FBXL7: variants seen among roughly 807,000 people sequenced by gnomAD.
The protein encoded by FBXL7 is F-box and leucine rich repeat protein 7.
A neutral mutation model predicts 38.3 loss-of-function variants in FBXL7; 12 were observed. The ratio of observed to expected loss-of-function variants is 0.31; its 90% CI spans 0.20 to 0.51. The LOEUF (loss-of-function observed/expected upper bound fraction) is 0.51. Among genes scored for constraint, FBXL7 ranks in the 20% least tolerant of loss-of-function variants. FBXL7 has a pLI of 0.98. For missense variants in FBXL7, 567 were observed against 676.4 expected (o/e 0.84, Z 1.79); for synonymous variants, 297 against 300.9 (o/e 0.99, Z 0.13).
intron 2 of FBXL7, among the ~76,000 whole-genome samples, chr5:15,754,995 C>T (rs1279911968): frequency 6.6e-6 from 1 of 152,090 alleles, no homozygotes; most frequent in Admixed American, 6.6e-5. Flanking sequence ...TGATGTTTTT[C>T]TTGAATGCTC....
intron 2 of FBXL7, among the ~76,000 whole-genome samples, chr5:15,699,494 TA>T (rs1432779515): frequency 3.3e-5 from 5 of 152,186 alleles, no homozygotes; most frequent in African/African-American, 1.2e-4. Flanking sequence ...CGTATTGGAT[TA>T]AAGGCCCACC....
At chr5:15,742,764 A>G (rs186360283) in intron 2 of FBXL7, among the ~76,000 whole-genome samples, 227 of 152,322 alleles carry the variant, frequency 1.5e-3, no homozygotes, top group African/African-American at 5.4e-3. Flanking sequence ...TAATAAAGAC[A>G]TACTCGAGAC....
intron 1 of FBXL7, among the ~76,000 whole-genome samples, chr5:15,573,750 AGT>A (rs1358837348): frequency 6.6e-6 from 1 of 152,226 alleles, no homozygotes; most frequent in African/African-American, 2.4e-5. Flanking sequence ...GAGTAATGTC[AGT>A]GTGCCTTGGA....
intron 2 of FBXL7, among the ~76,000 whole-genome samples, chr5:15,757,880 A>G (rs1250012473): frequency 6.6e-6 from 1 of 152,142 alleles, no homozygotes; most frequent in Non-Finnish European, 1.5e-5. Context: ...GCCTCTCTGT[A>G]TGGCATATCC....
chr5:15,931,720 G>A (rs1014612614), intron 3 of FBXL7, among the ~76,000 whole-genome samples: 7 of 152,132 alleles, frequency 4.6e-5, no homozygotes, highest in African/African-American at 1.7e-4. Flanking sequence ...CCCTTCTGTA[G>A]AACCATCTTA....
At chr5:15,570,761 C>T (rs1031104609) in intron 1 of FBXL7, among the ~76,000 whole-genome samples, 12 of 152,182 alleles carry the variant, frequency 7.9e-5, no homozygotes, top group Non-Finnish European at 1.6e-4. Flanking sequence ...GCTGACTGAA[C>T]TGTGTGTGCT....
rs192194904 is a variant in FBXL7, at chr5:15,720,272, T to C, written c.127+104200T>C. 6.7e-5 allele frequency among the ~76,000 whole-genome samples: 10 copies of C among 148,808 alleles called. 2 individuals carry two copies. The highest frequency in any genetic ancestry group is 2.0e-4 in the African/African-American group (8 of 40,896). Reference sequence around the variant, plus strand: ...ATTTTCCTTGCAGTCTTCTTTTGGGTTTTTCTCTGAAAACATTATTCAAGG... The same window carrying C: ...ATTTTCCTTGCAGTCTTCTTTTGGGCTTTTCTCTGAAAACATTATTCAAGG... On this transcript the variant is annotated intron_variant, in intron 2 of 3. Transcript: ENST00000504595.
chr5:15,803,843 C>T (rs190836365), intron 2 of FBXL7, among the ~76,000 whole-genome samples: 10 of 152,146 alleles, frequency 6.6e-5, no homozygotes, highest in Admixed American at 1.3e-4. Context: ...TCAGGCACTC[C>T]GGTAGATGTG....
chr5:15,539,339 T>G (rs182823879), intron 1 of FBXL7, among the ~76,000 whole-genome samples: 1 of 152,300 alleles, frequency 6.6e-6, no homozygotes, highest in African/African-American at 2.4e-5. Context: ...TCTCCTCACC[T>G]ATACACAACA....
At chr5:15,535,075 T>G (rs953818615) in intron 1 of FBXL7, among the ~76,000 whole-genome samples, 1 of 152,248 alleles carries the variant, frequency 6.6e-6, no homozygotes, top group Non-Finnish European at 1.5e-5. Context: ...ATCCTTGCTG[T>G]GGCCATGTAA....
intron 2 of FBXL7, among the ~76,000 whole-genome samples, chr5:15,768,483 A>G (rs768345078): frequency 1.6e-4 from 24 of 151,852 alleles, no homozygotes; most frequent in Non-Finnish European, 3.1e-4. Context: ...GTGAGCCGAG[A>G]TCATGCCACT....
At chr5:15,624,302 A>T (rs1326124343) in intron 2 of FBXL7, among the ~76,000 whole-genome samples, 1 of 152,192 alleles carries the variant, frequency 6.6e-6, no homozygotes. Flanking sequence ...CAGATCCCTC[A>T]TGATTACCTT....
chr5:15,762,587 A>C (rs1736478765), intron 2 of FBXL7, among the ~76,000 whole-genome samples: 1 of 152,146 alleles, frequency 6.6e-6, no homozygotes. Flanking sequence ...AACCTCCCCT[A>C]AGCCTCACTT....
At chr5:15,802,663 T>A (rs999762774) in intron 2 of FBXL7, among the ~76,000 whole-genome samples, 9 of 152,040 alleles carry the variant, frequency 5.9e-5, no homozygotes, top group Non-Finnish European at 1.2e-4. Context: ...ATCCTTTTTT[T>A]TTTTTTTAAA....
intron 2 of FBXL7, among the ~76,000 whole-genome samples, chr5:15,617,864 T>G (rs986308567): frequency 1.3e-5 from 2 of 152,244 alleles, no homozygotes; most frequent in Non-Finnish European, 2.9e-5. Flanking sequence ...TACCGTTGTT[T>G]TACAGTCACT....
chr5:15,617,245 G>C (rs904045515), intron 2 of FBXL7, among the ~76,000 whole-genome samples: 1 of 152,142 alleles, frequency 6.6e-6, no homozygotes, highest in African/African-American at 2.4e-5. Flanking sequence ...AGCACTGTTT[G>C]ATGCGTTTTC....
chr5:15,622,627 A>G (rs895414658), intron 2 of FBXL7, among the ~76,000 whole-genome samples: 1 of 152,150 alleles, frequency 6.6e-6, no homozygotes, highest in African/African-American at 2.4e-5. Flanking sequence ...ATCATTTTTT[A>G]TGGCTGCATA....
chr5:15,719,660 G>A (rs4235554), intron 2 of FBXL7, among the ~76,000 whole-genome samples: 93,655 of 147,746 alleles, frequency 0.63, 32,777 homozygotes, highest in East Asian at 0.78. Flanking sequence ...TACTTTTCTC[G>A]AACAGCTGGT....
chr5:15,577,454 T>C (rs989256650), intron 1 of FBXL7, among the ~76,000 whole-genome samples: 1 of 152,210 alleles, frequency 6.6e-6, no homozygotes, highest in African/African-American at 2.4e-5. Context: ...TCTATTTAGC[T>C]AGCTGCATTG....
Sources: allele counts gnomAD v4.1 joint callset (sites outside exome capture counted in the v4.1 genomes callset), GRCh38; gene constraint gnomAD v4.1.1; transcripts MANE v1.5; gene names NCBI Gene and HGNC (gene_info 2026-07-23, HGNC 2026-07-21).